TOX: variants seen among roughly 807,000 people sequenced by gnomAD.
TOX encodes the protein thymocyte selection associated high mobility group box.
Under a neutral mutation model 53.7 loss-of-function variants are expected in TOX, and 11 were observed. The ratio of observed to expected loss-of-function variants is 0.20; its 90% confidence interval spans 0.13 to 0.34. The LOEUF is 0.34. Ranked by LOEUF, TOX falls within the 10% of genes least tolerant of loss-of-function variation. The pLI is 1.00. For missense variants in TOX, 570 were observed against 664.6 expected (o/e 0.86, Z 1.56); for synonymous variants, 225 against 245.3 (o/e 0.92, Z 0.77).
intron 3 of TOX, among the ~76,000 whole-genome samples, chr8:58,857,110 A>G (rs1371687548): frequency 6.6e-6 from 1 of 152,198 alleles, no homozygotes; most frequent in African/African-American, 2.4e-5. Context: ...AACTCAATAC[A>G]TATTTCTTGA....
Position 59,118,794 on chromosome 8 carries a change from G to T in TOX, c.102+92C>A. On this transcript the variant is annotated intron_variant, in intron 1 of 8. Transcript: ENST00000361421. The surrounding 1 kb of genome is among the most constrained non-coding windows in gnomAD (Gnocchi z 4.1). The stretch of plus-strand genomic sequence containing the variant: ...CCGAGCGCGCCCGGGACCGGCCTCC[G>T]CCAAGCCGGCCCCGCCGCGGCCCGG... 3 of 994,860 alleles carry T rather than the reference G, an allele frequency of 3.0e-6. No individual in the cohort carries two copies. The highest frequency in any genetic ancestry group is 4.3e-6 in the Non-Finnish European group (3 of 698,948). The allele number at this position is 994,860 out of a possible 1,614,324, so 61.6% of individuals were successfully genotyped here.
intron 3 of TOX, among the ~76,000 whole-genome samples, chr8:58,895,370 A>T (rs1386951357): frequency 6.6e-6 from 1 of 152,226 alleles, no homozygotes; most frequent in Non-Finnish European, 1.5e-5. Flanking sequence ...GAATACAATT[A>T]TATATAAGCA....
At chr8:59,106,797 T>C (rs1372148595) in intron 1 of TOX, among the ~76,000 whole-genome samples, 1 of 152,166 alleles carries the variant, frequency 6.6e-6, no homozygotes, top group African/African-American at 2.4e-5. Flanking sequence ...TAACAGCTTT[T>C]GTTACTAGCA....
chr8:58,877,863 A>ATT lies in TOX; in HGVS notation c.412-26059_412-26058insAA, dbSNP rs1811312878. Among the ~76,000 whole-genome samples, 4 of 152,106 alleles carry ATT rather than the reference A, an allele frequency of 2.6e-5. No homozygotes were observed. The East Asian group carries it at 5.8e-4, about 22-fold the overall frequency. ...TTTGGAGAAAGCCTACATATTAAAAAAAAAAAAAGCCTCAGGAAAACTTTC... is the reference window on the plus strand; with the variant it reads ...TTTGGAGAAAGCCTACATATTAAAAATTAAAAAAAAGCCTCAGGAAAACTTTC... On this transcript the variant is annotated intron_variant, in intron 3 of 8. Transcript: ENST00000361421.
At chr8:59,050,569 C>G (rs962182893) in intron 1 of TOX, among the ~76,000 whole-genome samples, 5 of 152,080 alleles carry the variant, frequency 3.3e-5, no homozygotes, top group Non-Finnish European at 7.4e-5. Flanking sequence ...TTATTGAACT[C>G]TACGGTAAAT....
intron 4 of TOX, among the ~76,000 whole-genome samples, chr8:58,850,579 A>G (rs1271776379): frequency 6.6e-6 from 1 of 152,202 alleles, no homozygotes; most frequent in Non-Finnish European, 1.5e-5. Context: ...TTTGGGGTGC[A>G]GCTGTGAATT....
At chr8:59,003,473 GT>G (rs1271408503) in intron 1 of TOX, among the ~76,000 whole-genome samples, 2 of 152,102 alleles carry the variant, frequency 1.3e-5, no homozygotes, top group Non-Finnish European at 2.9e-5. Flanking sequence ...GGGCGCTACA[GT>G]TTTTATGGAA....
intron 1 of TOX, among the ~76,000 whole-genome samples, chr8:59,103,007 G>T (rs1412478345): frequency 6.6e-6 from 1 of 152,010 alleles, no homozygotes; most frequent in Non-Finnish European, 1.5e-5. Context: ...TACCACACTT[G>T]ACTATCTCCT....
chr8:59,054,611 A>T (rs558659552), intron 1 of TOX, among the ~76,000 whole-genome samples: 10 of 152,028 alleles, frequency 6.6e-5, no homozygotes, highest in African/African-American at 2.2e-4. Context: ...AACAACAATT[A>T]AAAAAAATAG....
intron 1 of TOX, among the ~76,000 whole-genome samples, chr8:58,991,317 A>C (rs1258064512): frequency 6.6e-6 from 1 of 152,250 alleles, no homozygotes; most frequent in Non-Finnish European, 1.5e-5. Flanking sequence ...ATTGGTCTTC[A>C]AGCTAGAAAG....
chr8:59,087,214 T>G (rs1427769697), intron 1 of TOX, among the ~76,000 whole-genome samples: 1 of 152,198 alleles, frequency 6.6e-6, no homozygotes, highest in African/African-American at 2.4e-5. Flanking sequence ...ACAACATACT[T>G]TGTGAAGCAT....
At chr8:59,109,017 C>T (rs995837432) in intron 1 of TOX, among the ~76,000 whole-genome samples, 1 of 152,116 alleles carries the variant, frequency 6.6e-6, no homozygotes, top group Admixed American at 6.6e-5. Context: ...GCCAAAAGAA[C>T]AATTAAGAAA....
At chr8:58,957,281 T>C (rs547402062) in intron 2 of TOX, among the ~76,000 whole-genome samples, 5 of 152,324 alleles carry the variant, frequency 3.3e-5, no homozygotes, top group South Asian at 4.1e-4. Context: ...AGCACACTTA[T>C]AGCTAGTATA....
chr8:59,056,692 C>T (rs772576150), intron 1 of TOX, among the ~76,000 whole-genome samples: 33 of 152,184 alleles, frequency 2.2e-4, no homozygotes, highest in Non-Finnish European at 4.3e-4. Context: ...GAAATTTCTA[C>T]TCCGTTCTGT....
chr8:58,944,329 G>A (rs1001853276), intron 2 of TOX, among the ~76,000 whole-genome samples: 3 of 152,200 alleles, frequency 2.0e-5, no homozygotes, highest in Non-Finnish European at 4.4e-5. Context: ...GAGCATTAAA[G>A]TAGTAATTTC....
At chr8:59,109,798 T>G (rs947147019) in intron 1 of TOX, among the ~76,000 whole-genome samples, 2 of 152,090 alleles carry the variant, frequency 1.3e-5, no homozygotes, top group Non-Finnish European at 2.9e-5. Flanking sequence ...GAAAACATGG[T>G]CTATTTTGTG....
At position 58,851,170 on chromosome 8, in the gene TOX, C is replaced by CTCTT. The variant is rs149032216; in HGVS notation, c.693+353_693+354insAAGA. Among the ~76,000 whole-genome samples, 882 of 138,332 alleles carry CTCTT rather than the reference C, an allele frequency of 6.4e-3. 3 individuals are homozygous for CTCTT. The highest frequency in any genetic ancestry group is 0.023 in the African/African-American group (803 of 34,520). The allele number at this position is 138,332 out of a possible 152,430, so 90.8% of individuals were successfully genotyped here. On this transcript the variant is annotated intron_variant, in intron 4 of 8. Coordinates refer to ENST00000361421, the MANE Select transcript of TOX (RefSeq NM_014729.3). This position sits in a 1 kb window ranked among gnomAD's most constrained non-coding sequence, Gnocchi z 4.4. ...CCTCTCTCTCTCTGTCTCTCTCTCT[C>CTCTT]TCTCTCTCTCTCTCTCACACACACA...
chr8:58,946,718 A>T (rs950235634), intron 2 of TOX, among the ~76,000 whole-genome samples: 1 of 152,194 alleles, frequency 6.6e-6, no homozygotes, highest in Admixed American at 6.6e-5. Context: ...AATTTTTTTA[A>T]CTGGTGTTAA....
At chr8:58,892,059 C>T (rs1811568934) in intron 3 of TOX, among the ~76,000 whole-genome samples, 1 of 152,128 alleles carries the variant, frequency 6.6e-6, no homozygotes, top group Admixed American at 6.6e-5. Flanking sequence ...AAAACTCTGC[C>T]ATTCCTGGGT....
Sources: allele counts gnomAD v4.1 joint callset (sites outside exome capture counted in the v4.1 genomes callset), GRCh38; gene constraint gnomAD v4.1.1; non-coding constraint Gnocchi (gnomAD v3.1); transcripts MANE v1.5; gene names NCBI Gene and HGNC (gene_info 2026-07-23, HGNC 2026-07-21).